SLC15A3: variants seen among roughly 807,000 people sequenced by gnomAD.
The protein encoded by SLC15A3 is osteoclast transporter.
SLC15A3 carries 39 observed loss-of-function variants against 49.2 expected under a neutral mutation model. The ratio of observed to expected loss-of-function variants is 0.79; its 90% CI spans 0.61 to 1.04. The LOEUF is 1.04. Among genes scored for constraint, SLC15A3 ranks in the 50% least tolerant of loss-of-function variants. The pLI, the probability that SLC15A3 is intolerant of heterozygous loss-of-function variation, is 0.00. For missense variants in SLC15A3, 758 were observed against 794.8 expected, an observed-to-expected ratio of 0.95 and a Z score of 0.56; for synonymous variants, 339 against 367.0, an observed-to-expected ratio of 0.92 and a Z score of 0.87.
rs777200135 is a variant in SLC15A3, at chr11:60,939,591, C to T, written c.1324G>A (p.Val442Met). 2.0e-5 allele frequency: 32 copies of T among 1,614,060 alleles called. No individual in the cohort carries two copies. Among genetic ancestry groups the T allele is most frequent in the Non-Finnish European group, 2.6e-5 (31 of 1,180,030 alleles). ...AGGACCTCCCCAATCTGCTGGGACACGGTCTCGTTGTGGTGGATGTAGTGT... is the reference window on the plus strand; with the variant it reads ...AGGACCTCCCCAATCTGCTGGGACATGGTCTCGTTGTGGTGGATGTAGTGT... ...RLHYIHHNET[V>M]SQQIGEVLYN... The change falls in exon 6 of 8, where the codon GTG becomes ATG. Residue 442 changes from valine to methionine, a missense_variant. By Grantham distance (21) the Val-to-Met change is conservative (BLOSUM62 1). Coordinates refer to ENST00000227880, the MANE Select transcript of SLC15A3 (RefSeq NM_016582.3).
In SLC15A3 at chr11:60,937,379, G is replaced by A. The variant is rs1446545113; in HGVS notation, c.1592-6C>T. 5.0e-6 allele frequency: 8 copies of A among 1,613,922 alleles called. No individual in the cohort carries two copies. The highest frequency in any genetic ancestry group is 1.1e-5 in the South Asian group (1 of 91,078). On this transcript the variant is annotated splice_region_variant and splice_polypyrimidine_tract_variant and intron_variant, in intron 7 of 7. Transcript: ENST00000227880. ...CCGGCAATTGTTGATGTTCCCTGGGGAAAGGAGGGGTTAGATTTGGGTCAG... is the reference window on the plus strand; with the variant it reads ...CCGGCAATTGTTGATGTTCCCTGGGAAAAGGAGGGGTTAGATTTGGGTCAG...
chr11:60,946,473 G>A, intron 2 of SLC15A3, 59 bp downstream of exon 2: 2 of 1,503,058 alleles, frequency 1.3e-6, no homozygotes, highest in Non-Finnish European at 1.8e-6. Context: ...TGCCTCCCCG[G>A]GAGCGATCCA....
intron 1 of SLC15A3, among the ~76,000 whole-genome samples, chr11:60,948,208 G>C (rs1324900272): frequency 6.6e-6 from 1 of 152,134 alleles, no homozygotes. Context: ...GATTCTGCGG[G>C]GTCCTCCTGG....
chr11:60,949,002 G>T (rs1471648038), intron 1 of SLC15A3, among the ~76,000 whole-genome samples: 1 of 152,170 alleles, frequency 6.6e-6, no homozygotes, highest in African/African-American at 2.4e-5. Context: ...CAAATATTGG[G>T]GGTCTCTAGG....
intron 6 of SLC15A3, 114 bp from the exon 7 acceptor site, chr11:60,938,139 C>T: frequency 7.8e-7 from 1 of 1,280,402 alleles, no homozygotes; most frequent in Non-Finnish European, 1.1e-6. Context: ...TCCAGGCTTC[C>T]CCTGGATGCC....
At chr11:60,938,376 A>C (rs1346176207) in intron 6 of SLC15A3, among the ~76,000 whole-genome samples, 1 of 151,966 alleles carries the variant, frequency 6.6e-6, no homozygotes, top group Non-Finnish European at 1.5e-5. Flanking sequence ...GTCATCGTCA[A>C]ATTGTTTTGA....
At chr11:60,941,926 G>A in intron 4 of SLC15A3, 109 bp downstream of exon 4, 2 of 1,069,474 alleles carry the variant, frequency 1.9e-6, no homozygotes, top group Non-Finnish European at 1.4e-6. Flanking sequence ...TCCTGAGGTT[G>A]CCTTGCAGGC....
intron 1 of SLC15A3, among the ~76,000 whole-genome samples, chr11:60,949,474 G>GAGAAAGGA (rs1554986421): frequency 7.4e-6 from 1 of 134,942 alleles, no homozygotes; most frequent in African/African-American, 3.2e-5. Flanking sequence ...GAGAGAGAAA[G>GAGAAAGGA]AGAAAGAAAG....
chr11:60,946,859 G>A (rs748144619), intron 1 of SLC15A3, 38 bp from the exon 2 acceptor site: 2 of 1,577,938 alleles, frequency 1.3e-6, no homozygotes, highest in Non-Finnish European at 1.7e-6. Context: ...GGGCCAAAGG[G>A]GTCCGGGGCA....
intron 1 of SLC15A3, among the ~76,000 whole-genome samples, chr11:60,948,621 C>T (rs1000901961): frequency 2.6e-5 from 4 of 152,166 alleles, no homozygotes; most frequent in South Asian, 2.1e-4. Context: ...ACACTGCAGC[C>T]GGAGCCATTT....
At chr11:60,949,440 AAGAAAGAAAG>A (rs754468141) in intron 1 of SLC15A3, among the ~76,000 whole-genome samples, 18 of 128,706 alleles carry the variant, frequency 1.4e-4, no homozygotes, top group Non-Finnish European at 2.3e-4. Context: ...GAAAGAAAGA[AAGAAAGAAAG>A]AGAAAGAAAG....
Position 60,937,126 on chromosome 11 carries a change from C to T in SLC15A3, c.*93G>A, listed in dbSNP as rs1166516162. 6.6e-7 allele frequency: 1 copy of T among 1,512,880 alleles called. No individual in the cohort carries two copies. The highest frequency in any genetic ancestry group is 8.9e-7 in the Non-Finnish European group (1 of 1,128,268). 93.7% of individuals were successfully genotyped at this position (1,512,880 alleles called of 1,614,324 possible). A position where few individuals can be genotyped will look rare whatever the true frequency, so the allele number is the denominator to read the frequency against. ...TGCCCCTTATTTATGGGAACCATTT[C>T]ATTCTAACAGAATAAACCGAGAAGG... On this transcript the variant is annotated 3_prime_UTR_variant, in exon 8 of 8. Transcript: ENST00000227880.
rs1856641765 is a variant in SLC15A3 at position 60,937,772 on chromosome 11, C to T, written c.1591+98G>A. 19 of 1,439,544 alleles carry T rather than the reference C, an allele frequency of 1.3e-5. No homozygotes were observed. The South Asian group carries it at 2.5e-4, about 19-fold the overall frequency. The allele number at this position is 1,439,544 out of a possible 1,614,324, so 89.2% of individuals were successfully genotyped here. On this transcript the variant is annotated intron_variant, in intron 7 of 7. Transcript: ENST00000227880. ...CCATTCTCCCAAGTCTAGCCCTCTA[C>T]TTGCTTCTCCCCAGAGTCAAAGCAC...
chr11:60,942,347 G>T (rs2134928569), intron 3 of SLC15A3: 2 of 541,582 alleles, frequency 3.7e-6, no homozygotes, highest in East Asian at 6.5e-5. Context: ...CTGCTCTCAG[G>T]CCTGTAGGCA....
chr11:60,941,390 G>C, intron 4 of SLC15A3, 100 bp from the exon 5 acceptor site: 1 of 1,254,984 alleles, frequency 8.0e-7, no homozygotes, highest in African/African-American at 1.5e-5. Context: ...GTGACCCTGG[G>C]GTCCAGCTCC....
At chr11:60,940,983 C>G in intron 5 of SLC15A3, 139 bp downstream of exon 5, 1 of 869,512 alleles carries the variant, frequency 1.2e-6, no homozygotes. Flanking sequence ...TTTCAGCTTG[C>G]ACCTCTGGGA....
intron 1 of SLC15A3, among the ~76,000 whole-genome samples, chr11:60,949,485 G>GAAAGAAGGA (rs1856861932): frequency 3.6e-5 from 3 of 84,262 alleles, no homozygotes; most frequent in African/African-American, 1.8e-4. Flanking sequence ...AGAAAGAAAG[G>GAAAGAAGGA]AAGAAAGAAA....
At position 60,951,186 on chromosome 11, in the gene SLC15A3, G is replaced by A. The variant is rs549604580; in HGVS notation, c.366C>T (p.Ala122=). 203 of 1,496,956 alleles carry A rather than the reference G, an allele frequency of 1.4e-4. No homozygotes were observed. The highest frequency in any genetic ancestry group is 7.0e-4 in the Middle Eastern group (3 of 4,290). 92.7% of individuals were successfully genotyped at this position (1,496,956 alleles called of 1,614,324 possible). The change falls in exon 1 of 8, where the codon GCC becomes GCT. Residue 122 remains alanine (A), a synonymous_variant. Coordinates refer to ENST00000227880, the MANE Select transcript of SLC15A3 (RefSeq NM_016582.3). ...AGAAGGAGCTGCGGCCGTCGGGGAA[G>A]GCGGTGGCGGGCAGCAGGCCCGAGG... is the stretch of plus-strand genomic sequence containing the variant. ...LAASGLLPAT[A]FPDGRSSFCG...
At position 60,951,029 on chromosome 11, in the gene SLC15A3, C is replaced by T. The variant is rs1489649337; in HGVS notation, c.523G>A (p.Val175Ile). The part of the protein sequence containing the change: ...LLLLGLAASS[V>I]RSNLTSFGAD... ...CCGAAGGAGGTGAGGTTGCTCCGGA[C>T]GGAGCTGGCGGCCAGGCCGAGTAGC... The change falls in exon 1 of 8, where the codon GTC (valine) becomes ATC (isoleucine). Residue 175 changes from valine to isoleucine, a missense_variant. By Grantham distance (29) the Val-to-Ile change is conservative (BLOSUM62 3). Transcript: ENST00000227880. 4.7e-6 allele frequency: 7 copies of T among 1,495,688 alleles called. No homozygotes were observed. The highest frequency in any genetic ancestry group is 6.2e-6 in the Non-Finnish European group (7 of 1,129,806). The allele number at this position is 1,495,688 out of a possible 1,614,324, so 92.7% of individuals were successfully genotyped here.
Sources: gnomAD v4.1 joint callset for allele counts (sites outside exome capture counted in the v4.1 genomes callset) on GRCh38, gnomAD v4.1.1 for gene constraint, MANE v1.5 for transcripts, NCBI Gene and HGNC (gene_info 2026-07-23, HGNC 2026-07-21) for gene names.